Variants in MYO3B observed in about 807,000 individuals in gnomAD.
The protein encoded by MYO3B is myosin-IIIb.
In MYO3B, 156 loss-of-function variants were observed where a neutral mutation model predicts 174.6. That is an observed-to-expected ratio of 0.89 (90% CI 0.78 to 1.02). The LOEUF (loss-of-function observed/expected upper bound fraction) is 1.02. MYO3B is among the 50% of genes least tolerant of loss of function. The pLI, the probability that MYO3B is intolerant of heterozygous loss-of-function variation, is 0.00. For synonymous variants in MYO3B, 563 were observed against 569.1 expected (o/e 0.99, Z 0.15); for missense variants, 1,632 against 1,639.4 (o/e 1.00, Z 0.08).
chr2:170,646,980 C>T, intron 32 of MYO3B: 1 of 1,215,894 alleles, frequency 8.2e-7, no homozygotes, highest in South Asian at 1.2e-5. Flanking sequence ...TGTTGTACTT[C>T]CTTTCATCTT....
chr2:170,392,522 A>C (rs776725004), intron 16 of MYO3B, 27 bp downstream of exon 16: 17 of 1,373,628 alleles, frequency 1.2e-5, no homozygotes, highest in South Asian at 1.5e-5. Context: ...AGAGGAACTC[A>C]AGTGACAATA....
chr2:170,479,270 T>C lies in MYO3B; in HGVS notation c.3014+12559T>C, dbSNP rs1276727608. 6.7e-5 allele frequency among the ~76,000 whole-genome samples: 10 copies of C among 149,412 alleles called. No individual in the cohort carries two copies. In the East Asian group the frequency reaches 1.8e-3, roughly 26 times the overall value. ...CTGCACTCCAGCCTGGGCAACAGAG[T>C]GAGACTCTGTCTCAAAAAAATAAAA... is the stretch of plus-strand genomic sequence containing the variant. On this transcript the variant is annotated intron_variant, in intron 25 of 34. Transcript: ENST00000408978.
chr2:170,650,326 C>T (rs1698906535), intron 32 of MYO3B, among the ~76,000 whole-genome samples: 1 of 152,008 alleles, frequency 6.6e-6, no homozygotes, highest in Admixed American at 6.6e-5. Flanking sequence ...ACTTAGGGAA[C>T]AAATATTTTG....
At chr2:170,243,026 G>C (rs2093152225) in intron 7 of MYO3B, among the ~76,000 whole-genome samples, 1 of 152,202 alleles carries the variant, frequency 6.6e-6, no homozygotes, top group Admixed American at 6.5e-5. Context: ...GTTCTTCACA[G>C]CTGGAGCTAT....
intron 30 of MYO3B, among the ~76,000 whole-genome samples, chr2:170,538,915 A>G (rs1689898269): frequency 6.6e-6 from 1 of 152,208 alleles, no homozygotes; most frequent in Non-Finnish European, 1.5e-5. Flanking sequence ...TATGATTTCC[A>G]GCAGAGGCCG....
At chr2:170,431,050 A>G (rs2094704386) in intron 22 of MYO3B, among the ~76,000 whole-genome samples, 1 of 152,236 alleles carries the variant, frequency 6.6e-6, no homozygotes, top group Admixed American at 6.5e-5. Flanking sequence ...CTCACACCTC[A>G]TGACATGGGT....
intron 23 of MYO3B, among the ~76,000 whole-genome samples, chr2:170,456,014 A>G (rs1258862001): frequency 6.6e-6 from 1 of 152,208 alleles, no homozygotes; most frequent in Non-Finnish European, 1.5e-5. Context: ...TAAACTGACA[A>G]GAGGCAGATT....
chr2:170,563,092 ACT>A (rs1421666029), intron 32 of MYO3B, among the ~76,000 whole-genome samples: 2 of 146,000 alleles, frequency 1.4e-5, no homozygotes, highest in Non-Finnish European at 3.0e-5. Flanking sequence ...ACACACATAC[ACT>A]CTTTCTCTCT....
intron 7 of MYO3B, among the ~76,000 whole-genome samples, chr2:170,311,959 C>T (rs1318217279): frequency 1.3e-5 from 2 of 152,174 alleles, no homozygotes; most frequent in East Asian, 1.9e-4. Flanking sequence ...TTGATCTGTA[C>T]GTCGCTTCTT....
intron 7 of MYO3B, among the ~76,000 whole-genome samples, chr2:170,327,267 C>T (rs573982927): frequency 1.4e-3 from 209 of 152,330 alleles, no homozygotes; most frequent in Non-Finnish European, 2.7e-3. Flanking sequence ...TGCCTGTATT[C>T]CCAACTACTC....
At chr2:170,533,432 G>T (rs895054457) in intron 30 of MYO3B, among the ~76,000 whole-genome samples, 2 of 148,786 alleles carry the variant, frequency 1.3e-5, no homozygotes, top group Non-Finnish European at 3.0e-5. Context: ...GGGTGGGGGG[G>T]GGGTGTGCAG....
intron 30 of MYO3B, among the ~76,000 whole-genome samples, chr2:170,539,760 C>T (rs890462109): frequency 4.6e-5 from 7 of 151,908 alleles, no homozygotes; most frequent in African/African-American, 1.7e-4. Flanking sequence ...GCTGGGACTA[C>T]GGGTGCACAT....
chr2:170,245,491 G>T (rs952619630), intron 7 of MYO3B, among the ~76,000 whole-genome samples: 1 of 152,174 alleles, frequency 6.6e-6, no homozygotes, highest in African/African-American at 2.4e-5. Flanking sequence ...GACCAAAACT[G>T]CCATAAGGGA....
At chr2:170,203,999 G>A (rs181918924) in intron 3 of MYO3B, among the ~76,000 whole-genome samples, 11 of 152,278 alleles carry the variant, frequency 7.2e-5, no homozygotes, top group Admixed American at 5.9e-4. Context: ...CAATAAGGAT[G>A]TGCCCCAGGA....
chr2:170,465,557 T>C (rs1261797750), intron 24 of MYO3B, among the ~76,000 whole-genome samples: 2 of 152,194 alleles, frequency 1.3e-5, no homozygotes, highest in East Asian at 3.8e-4. Context: ...ATCCTCCTGG[T>C]AACCCTTGGT....
chr2:170,191,105 CT>C (rs2105319332), intron 1 of MYO3B, among the ~76,000 whole-genome samples: 1 of 152,000 alleles, frequency 6.6e-6, no homozygotes, highest in East Asian at 1.9e-4. Context: ...AGCAGGTTTC[CT>C]TCTGGCCCAG....
chr2:170,399,356 C>T (rs1249190368), intron 16 of MYO3B, among the ~76,000 whole-genome samples: 2 of 149,874 alleles, frequency 1.3e-5, no homozygotes, highest in Non-Finnish European at 3.0e-5. Flanking sequence ...TGTCTGTAAT[C>T]CCAGCTACTT....
At chr2:170,454,149 C>T (rs1455266161) in intron 23 of MYO3B, among the ~76,000 whole-genome samples, 1 of 152,200 alleles carries the variant, frequency 6.6e-6, no homozygotes, top group Non-Finnish European at 1.5e-5. Context: ...AAGAGTATTC[C>T]TTCCAAACTA....
At chr2:170,432,567 A>T (rs966516267) in intron 22 of MYO3B, among the ~76,000 whole-genome samples, 65 of 150,970 alleles carry the variant, frequency 4.3e-4, no homozygotes, top group African/African-American at 1.4e-3. Context: ...TTTATTATTT[A>T]AAAAAAAAGA....
Sources: gnomAD v4.1 joint callset for allele counts (sites outside exome capture counted in the v4.1 genomes callset) on GRCh38, gnomAD v4.1.1 for gene constraint, MANE v1.5 for transcripts, NCBI Gene and HGNC (gene_info 2026-07-23, HGNC 2026-07-21) for gene names.